The following FBXO10 variants were observed in gnomAD, a reference collection of about 807,000 sequenced individuals.
FBXO10 encodes F-box only protein 10.
A neutral mutation model predicts 80.7 loss-of-function variants in FBXO10; 39 were observed. The observed-to-expected ratio is 0.48, with a 90% confidence interval of 0.37 to 0.63. FBXO10 has a LOEUF of 0.63. FBXO10 is among the 30% of genes least tolerant of loss of function. The pLI is 0.00. For missense variants in FBXO10, 1,025 were observed against 1,269.0 expected (o/e 0.81, Z 2.92); for synonymous variants, 449 against 489.6 (o/e 0.92, Z 1.09).
chr9:37,536,886 C>G (rs1371560145), intron 3 of FBXO10, among the ~76,000 whole-genome samples: 1 of 152,192 alleles, frequency 6.6e-6, no homozygotes, highest in African/African-American at 2.4e-5. Context: ...TTCTGCCTAA[C>G]TTGCTATGTG....
chr9:37,541,104 A>C (rs1388520879), intron 2 of FBXO10, 80 bp downstream of exon 2: 1 of 1,269,536 alleles, frequency 7.9e-7, no homozygotes, highest in Non-Finnish European at 1.1e-6. Context: ...TCCAACAAAA[A>C]AAGGGATTAA....
chr9:37,562,784 TC>T (rs1822511802), intron 1 of FBXO10, among the ~76,000 whole-genome samples: 1 of 152,194 alleles, frequency 6.6e-6, no homozygotes, highest in Non-Finnish European at 1.5e-5. Context: ...AAGTATGTAT[TC>T]AACACTTGCT....
rs1367105585 is a variant in FBXO10, at chr9:37,537,855, AACTTC to A, written c.669_673del (p.Lys224LeufsTer22). ...GATATGGGTGTTTTTGAAGGTACAGAACTTCACTTGGCAAGTACCCGGGCCATGGA... is the reference window on the plus strand; with the variant it reads ...GATATGGGTGTTTTTGAAGGTACAGAACTTGGCAAGTACCCGGGCCATGGA... On this transcript the variant is annotated frameshift_variant, in exon 3 of 11. Transcript: ENST00000432825. LOFTEE classifies it high-confidence loss of function. The A allele has an allele frequency of 6.2e-7, 1 of 1,613,960 alleles. No homozygotes were observed. The highest frequency in any genetic ancestry group is 1.1e-5 in the South Asian group (1 of 91,086).
At position 37,525,088 on chromosome 9, in the gene FBXO10, G is replaced by T; in HGVS notation, c.1777+14C>A. The T allele has an allele frequency of 6.4e-7, 1 of 1,556,074 alleles. No individual in the cohort carries two copies. The highest frequency in any genetic ancestry group is 8.7e-7 in the Non-Finnish European group (1 of 1,149,644). ...TGGCCTGGCTGCCAGGTGCCAGGCA[G>T]TTCCCATCCGTACCTGTGATGAGGC... On this transcript the variant is annotated intron_variant, in intron 6 of 10. Coordinates refer to ENST00000432825, the MANE Select transcript of FBXO10 (RefSeq NM_012166.3).
At chr9:37,527,108 C>T (rs1821496913) in intron 5 of FBXO10, among the ~76,000 whole-genome samples, 1 of 152,166 alleles carries the variant, frequency 6.6e-6, no homozygotes, top group Admixed American at 6.6e-5. Flanking sequence ...GCCTCGGCCT[C>T]CCAAAGTGTT....
At position 37,560,865 on chromosome 9, in the gene FBXO10, G is replaced by A. The variant is rs990405450; in HGVS notation, c.-7+15346C>T. On this transcript the variant is annotated intron_variant, in intron 1 of 10. Transcript: ENST00000432825. ...GATTAAAAAAACTTTTTATTTTGCT[G>A]GGCGCGGTGGCTCATGCCTGTAATC... Among the ~76,000 whole-genome samples the A allele has an allele frequency of 9.2e-5, 14 of 152,206 alleles. No homozygotes were observed. The South Asian group carries it at 2.7e-3, about 29-fold the overall frequency.
intron 1 of FBXO10, among the ~76,000 whole-genome samples, chr9:37,556,020 T>C (rs1822326936): frequency 6.6e-6 from 1 of 152,234 alleles, no homozygotes; most frequent in Non-Finnish European, 1.5e-5. Flanking sequence ...TATGAGGTAG[T>C]GGTTGAGGTT....
chr9:37,523,891 T>C (rs1315609303), intron 6 of FBXO10, among the ~76,000 whole-genome samples: 1 of 152,230 alleles, frequency 6.6e-6, no homozygotes, highest in Non-Finnish European at 1.5e-5. Context: ...CACTCCAGCC[T>C]GGGCAACAAG....
intron 1 of FBXO10, among the ~76,000 whole-genome samples, chr9:37,560,697 T>C (rs890602532): frequency 6.6e-6 from 1 of 152,094 alleles, no homozygotes; most frequent in African/African-American, 2.4e-5. Flanking sequence ...GGCCTCTGCA[T>C]GTGGAATTAA....
intron 1 of FBXO10, among the ~76,000 whole-genome samples, chr9:37,564,585 C>T (rs1032480876): frequency 1.3e-5 from 2 of 152,368 alleles, no homozygotes; most frequent in East Asian, 1.9e-4. Flanking sequence ...CCTTTTGCAT[C>T]AGCATAACCT....
chr9:37,537,626 G>T lies in FBXO10; in HGVS notation c.903C>A (p.Asp301Glu). 1 of 1,614,022 alleles carries T rather than the reference G, an allele frequency of 6.2e-7. No homozygotes were observed. The highest frequency in any genetic ancestry group is 8.5e-7 in the Non-Finnish European group (1 of 1,179,888). Residue 301 changes from aspartate (D) to glutamate (E), a missense_variant, in exon 3 of 11, where the codon GAC becomes GAA. Asp to Glu is a conservative substitution (Grantham distance 45). Around this residue, in one of 3 missense-constraint regions of FBXO10, gnomAD observed 450 missense variants for 499.4 expected, o/e 0.90. Coordinates refer to ENST00000432825, the MANE Select transcript of FBXO10 (RefSeq NM_012166.3). ...CACAGGTCTTTGGGCTCCAGGCCTG[G>T]TCCCGGCTCTCTAGGTCCAGGGACA... The part of the protein sequence containing the change: ...FLMSLDLESR[D>E]QAWSPKTCDI...
Position 37,526,421 on chromosome 9 carries a change from A to G in FBXO10, c.1707-1249T>C, listed in dbSNP as rs564930242. Among the ~76,000 whole-genome samples, 5 of 152,282 alleles carry G rather than the reference A, an allele frequency of 3.3e-5. No individual in the cohort carries two copies. In the South Asian group the frequency reaches 1.0e-3, roughly 32 times the overall value. ...AAGCACAACCTATTCTCTCAAGATGACTATGTTTTAAAAACCCAACACTGA... is the reference window on the plus strand; with the variant it reads ...AAGCACAACCTATTCTCTCAAGATGGCTATGTTTTAAAAACCCAACACTGA... On this transcript the variant is annotated intron_variant, in intron 5 of 10. Coordinates refer to ENST00000432825, the MANE Select transcript of FBXO10 (RefSeq NM_012166.3).
At chr9:37,569,409 A>T (rs1244876737) in intron 1 of FBXO10, among the ~76,000 whole-genome samples, 1 of 151,452 alleles carries the variant, frequency 6.6e-6, no homozygotes, top group African/African-American at 2.4e-5. Context: ...AAAAAAAAAA[A>T]AAATTAAAAG....
chr9:37,556,571 T>C (rs1168717488), intron 1 of FBXO10, among the ~76,000 whole-genome samples: 8 of 131,372 alleles, frequency 6.1e-5, no homozygotes, highest in African/African-American at 1.7e-4. Context: ...TGAGACAGAG[T>C]CTCTCTCTTT....
intron 1 of FBXO10, among the ~76,000 whole-genome samples, chr9:37,543,961 C>G (rs1282093194): frequency 6.6e-6 from 1 of 152,094 alleles, no homozygotes; most frequent in Non-Finnish European, 1.5e-5. Flanking sequence ...GAAACTTTGC[C>G]TCTACTAAAA....
chr9:37,532,148 C>G, intron 3 of FBXO10, 90 bp from the exon 4 acceptor site: 1 of 1,399,932 alleles, frequency 7.1e-7, no homozygotes, highest in Non-Finnish European at 9.7e-7. Flanking sequence ...TTCCGCACCA[C>G]CTGATCCATG....
chr9:37,537,942 G>A lies in FBXO10; in HGVS notation c.587C>T (p.Thr196Ile). Reference protein sequence around the residue: ...PAWFSPIMYKTTSGHVQFDNC... With the variant: ...PAWFSPIMYKITSGHVQFDNC... ...GTCAAACTGGACGTGACCTGATGTT[G>A]TCTGGGGAATGAAAAGAAGAAAACG... The change falls in exon 3 of 11, where the codon ACA becomes ATA. Residue 196 changes from threonine to isoleucine, a missense_variant and splice_region_variant. Coordinates refer to ENST00000432825, the MANE Select transcript of FBXO10 (RefSeq NM_012166.3). The A allele has an allele frequency of 6.2e-7, 1 of 1,611,116 alleles. No homozygotes were observed. The highest frequency in any genetic ancestry group is 1.1e-5 in the South Asian group (1 of 91,006).
At chr9:37,524,255 T>C (rs562218648) in intron 6 of FBXO10, among the ~76,000 whole-genome samples, 104 of 152,354 alleles carry the variant, frequency 6.8e-4, no homozygotes, top group African/African-American at 2.5e-3. Context: ...CCCAAATGCC[T>C]ACCCAGTCCC....
chr9:37,534,068 C>A (rs1821694617), intron 3 of FBXO10, among the ~76,000 whole-genome samples: 1 of 151,896 alleles, frequency 6.6e-6, no homozygotes, highest in Admixed American at 6.6e-5. Flanking sequence ...ATTTTAGTAT[C>A]CTGGAACCAA....
Sources: gnomAD v4.1 joint callset for allele counts (sites outside exome capture counted in the v4.1 genomes callset) on GRCh38, gnomAD v4.1.1 for gene constraint, gnomAD v4.1.1 regional missense constraint, MANE v1.5 for transcripts, NCBI Gene and HGNC (gene_info 2026-07-23, HGNC 2026-07-21) for gene names.